Variants in DNAH6 observed in about 807,000 individuals in gnomAD.
DNAH6 encodes the protein dynein axonemal heavy chain 6.
DNAH6 carries 340 observed loss-of-function variants against 491.4 expected under a neutral mutation model. That is an observed-to-expected ratio of 0.69 (90% CI 0.63 to 0.76). DNAH6 has a LOEUF of 0.76. Ranked by LOEUF, DNAH6 falls within the 30% of genes least tolerant of loss-of-function variation. DNAH6 has a pLI of 0.00. For synonymous variants in DNAH6, 1,603 were observed against 1,686.1 expected (o/e 0.95, Z 1.21); for missense variants, 4,443 against 4,972.2 (o/e 0.89, Z 3.20).
chr2:84,467,539 C>G, the DNAH6 span, among the ~76,000 whole-genome samples: 1 of 152,112 alleles, frequency 6.6e-6, no homozygotes, highest in African/African-American at 2.4e-5. Flanking sequence ...CCGTACCTTA[C>G]TTAAGCAAGC....
chr2:84,538,526 A>G (rs941033775), intron 4 of DNAH6, among the ~76,000 whole-genome samples: 1 of 152,164 alleles, frequency 6.6e-6, no homozygotes, highest in Non-Finnish European at 1.5e-5. Context: ...ACAGAATGCC[A>G]TGAAACAGGA....
chr2:84,481,472 A>G, the DNAH6 span, among the ~76,000 whole-genome samples: 4 of 152,342 alleles, frequency 2.6e-5, no homozygotes, highest in Admixed American at 2.6e-4. Flanking sequence ...TAACATGTGG[A>G]AAAGAATACA....
chr2:84,713,007 T>G, intron 56 of DNAH6, 88 bp from the exon 57 acceptor site: 13 of 1,143,590 alleles, frequency 1.1e-5, no homozygotes, highest in Middle Eastern at 2.0e-4. Context: ...TCACAGTACA[T>G]TTTGAGGCCT....
intron 13 of DNAH6, 129 bp from the exon 14 acceptor site, chr2:84,579,398 A>G: frequency 1.0e-6 from 1 of 976,440 alleles, no homozygotes; most frequent in Non-Finnish European, 1.5e-6. Flanking sequence ...AAGAGAAAAA[A>G]AGTCTCTTCG....
At chr2:84,610,753 CAA>C (rs1686244107) in intron 21 of DNAH6, among the ~76,000 whole-genome samples, 1 of 152,306 alleles carries the variant, frequency 6.6e-6, no homozygotes, top group African/African-American at 2.4e-5. Flanking sequence ...AACTTTGTTT[CAA>C]AGAGAACTTT....
intron 47 of DNAH6, 61 bp from the exon 48 acceptor site, chr2:84,699,533 C>T (rs1292112721): frequency 1.4e-6 from 2 of 1,449,678 alleles, no homozygotes; most frequent in Non-Finnish European, 1.9e-6. Flanking sequence ...TTAGCCAACA[C>T]TTATTTTCAT....
intron 4 of DNAH6, among the ~76,000 whole-genome samples, chr2:84,538,461 A>G (rs932467160): frequency 1.3e-5 from 2 of 152,184 alleles, no homozygotes; most frequent in African/African-American, 4.8e-5. Context: ...AATCTAACAG[A>G]TAGTTCAGAT....
chr2:84,721,616 T>C lies in DNAH6; in HGVS notation c.9793-1009T>C, dbSNP rs554094032. 3.9e-5 allele frequency among the ~76,000 whole-genome samples: 6 copies of C among 152,346 alleles called. No homozygotes were observed. The East Asian group carries it at 1.2e-3, about 29-fold the overall frequency. On this transcript the variant is annotated intron_variant, in intron 59 of 76. Transcript: ENST00000389394. Reference sequence around the variant, plus strand: ...AAACAAAATATCTCAGTAACTTTTATGTGGATTATATGTTGATATAATATT... The same window carrying C: ...AAACAAAATATCTCAGTAACTTTTACGTGGATTATATGTTGATATAATATT...
chr2:84,688,621 G>A (rs1694532822), intron 45 of DNAH6, 28 bp downstream of exon 45: 5 of 1,486,202 alleles, frequency 3.4e-6, no homozygotes, highest in African/African-American at 1.5e-5. Context: ...GCCCAATAAT[G>A]CATTGATTTA....
intron 57 of DNAH6, among the ~76,000 whole-genome samples, chr2:84,714,877 A>G (rs190136411): frequency 1.3e-5 from 2 of 151,232 alleles, no homozygotes; most frequent in African/African-American, 4.8e-5. Flanking sequence ...CAAAATTACA[A>G]TATGTAATTT....
chr2:84,599,796 A>G (rs1471471660), intron 18 of DNAH6, among the ~76,000 whole-genome samples: 1 of 152,190 alleles, frequency 6.6e-6, no homozygotes, highest in Non-Finnish European at 1.5e-5. Flanking sequence ...AGTAGTCTTA[A>G]TCCTCCAATT....
the DNAH6 span, among the ~76,000 whole-genome samples, chr2:84,482,135 T>C: frequency 6.6e-6 from 1 of 152,202 alleles, no homozygotes; most frequent in Non-Finnish European, 1.5e-5. Context: ...CACAGACATA[T>C]GCAAACACCT....
At chr2:84,763,296 C>T (rs570106324) in intron 64 of DNAH6, among the ~76,000 whole-genome samples, 2 of 152,180 alleles carry the variant, frequency 1.3e-5, no homozygotes, top group Admixed American at 1.3e-4. Flanking sequence ...AAGAGCTCTT[C>T]ATGTTCTATT....
At chr2:84,539,455 C>T (rs570139394) in intron 4 of DNAH6, among the ~76,000 whole-genome samples, 1 of 152,250 alleles carries the variant, frequency 6.6e-6, no homozygotes, top group South Asian at 2.1e-4. Flanking sequence ...TCATTAGAAT[C>T]ACCCAGGCTC....
the DNAH6 span, among the ~76,000 whole-genome samples, chr2:84,489,536 A>T: frequency 6.6e-6 from 1 of 152,120 alleles, no homozygotes; most frequent in Non-Finnish European, 1.5e-5. Flanking sequence ...ATATCTTCAC[A>T]TACTCACAGG....
chr2:84,643,603 A>C (rs1689621221), intron 33 of DNAH6, among the ~76,000 whole-genome samples: 2 of 152,050 alleles, frequency 1.3e-5, no homozygotes, highest in Admixed American at 1.3e-4. Context: ...GTTTCTATTG[A>C]GGTATCCTCA....
intron 37 of DNAH6, among the ~76,000 whole-genome samples, chr2:84,667,706 G>A (rs962420814): frequency 3.9e-5 from 6 of 152,124 alleles, no homozygotes; most frequent in South Asian, 4.1e-4. Context: ...TCTAGAACTA[G>A]AAATACCGTT....
intron 18 of DNAH6, among the ~76,000 whole-genome samples, chr2:84,596,997 GGTAGA>G (rs1191182617): frequency 1.3e-5 from 2 of 151,988 alleles, no homozygotes; most frequent in Non-Finnish European, 2.9e-5. Context: ...TTTACAAATG[GGTAGA>G]GTAATGTATC....
intron 49 of DNAH6, among the ~76,000 whole-genome samples, chr2:84,701,732 G>C (rs1468186954): frequency 2.0e-5 from 3 of 152,114 alleles, no homozygotes; most frequent in Non-Finnish European, 4.4e-5. Flanking sequence ...ACCAAAGGGA[G>C]GATGGTGGTA....
Sources: allele counts gnomAD v4.1 joint callset (sites outside exome capture counted in the v4.1 genomes callset), GRCh38; gene constraint gnomAD v4.1.1; transcripts MANE v1.5; gene names NCBI Gene and HGNC (gene_info 2026-07-23, HGNC 2026-07-21).